The following TNNI3K variants were observed in gnomAD, a reference collection of about 807,000 sequenced individuals.
The protein encoded by TNNI3K is serine/threonine-protein kinase TNNI3K.
In TNNI3K, 140 loss-of-function variants were observed where a neutral mutation model predicts 114.5. The observed-to-expected ratio is 1.22, with a 90% CI of 1.07 to 1.41. TNNI3K has a LOEUF of 1.41. Ranked by LOEUF, TNNI3K falls within the 40% of genes most tolerant of loss-of-function variation. The pLI, the probability that TNNI3K is intolerant of heterozygous loss-of-function variation, is 0.00. For missense variants in TNNI3K, 1,125 were observed against 1,007.6 expected (o/e 1.12, Z -1.58); for synonymous variants, 347 against 347.5 (o/e 1.00, Z 0.02).
rs45493493 is a variant in TNNI3K, at chr1:74,523,191, C to A, written c.2352-17043C>A. Among the ~76,000 whole-genome samples the A allele has an allele frequency of 3.8e-3, 585 of 152,298 alleles. 6 individuals are homozygous for A. The highest frequency in any genetic ancestry group is 0.013 in the African/African-American group (547 of 41,570). On this transcript the variant is annotated intron_variant, in intron 23 of 24. Coordinates refer to ENST00000326637, the MANE Select transcript of TNNI3K (RefSeq NM_015978.3). ...AATATATATAATAATACCGATACCA[C>A]ACAGTTGCTGGGAAGATTAAATAAG...
At chr1:74,236,253 A>G in intron 2 of TNNI3K, 43 bp downstream of exon 2, 1 of 1,524,938 alleles carries the variant, frequency 6.6e-7, no homozygotes. Context: ...AAGTGTCTTC[A>G]GTATTCACCT....
intron 20 of TNNI3K, among the ~76,000 whole-genome samples, chr1:74,440,836 G>A (rs1014765405): frequency 3.2e-4 from 49 of 152,150 alleles, no homozygotes; most frequent in African/African-American, 1.2e-3. Context: ...ACTTCTTAGA[G>A]TGTGCATCCT....
At chr1:74,238,225 T>G (rs1653978491) in intron 2 of TNNI3K, among the ~76,000 whole-genome samples, 1 of 152,016 alleles carries the variant, frequency 6.6e-6, no homozygotes, top group South Asian at 2.1e-4. Flanking sequence ...ATGTAAGAAT[T>G]TTGGAGTCAT....
chr1:74,334,971 G>A (rs1311883934), intron 6 of TNNI3K, among the ~76,000 whole-genome samples: 1 of 152,190 alleles, frequency 6.6e-6, no homozygotes, highest in Non-Finnish European at 1.5e-5. Context: ...GTCAAAAAAT[G>A]TGGAGATGAT....
At chr1:74,238,025 C>T (rs1407657067) in intron 2 of TNNI3K, among the ~76,000 whole-genome samples, 1 of 151,852 alleles carries the variant, frequency 6.6e-6, no homozygotes, top group Non-Finnish European at 1.5e-5. Context: ...CCTACCATAC[C>T]CTGCTTACAA....
intron 23 of TNNI3K, among the ~76,000 whole-genome samples, chr1:74,495,021 A>C (rs1404948929): frequency 6.6e-6 from 1 of 152,200 alleles, no homozygotes; most frequent in Non-Finnish European, 1.5e-5. Context: ...GATGTATACC[A>C]CTACTAATTT....
chr1:74,450,570 T>C (rs1666945057), intron 20 of TNNI3K, among the ~76,000 whole-genome samples: 1 of 151,750 alleles, frequency 6.6e-6, no homozygotes, highest in East Asian at 1.9e-4. Context: ...AAAAAACCCA[T>C]TAAAAAGTGG....
At chr1:74,389,587 T>C (rs1000754915) in intron 17 of TNNI3K, among the ~76,000 whole-genome samples, 3 of 152,202 alleles carry the variant, frequency 2.0e-5, no homozygotes, top group African/African-American at 7.2e-5. Context: ...TTAACACTTA[T>C]TTCCTTTTAT....
chr1:74,392,390 A>G (rs1157064687), intron 17 of TNNI3K, among the ~76,000 whole-genome samples: 3 of 152,188 alleles, frequency 2.0e-5, no homozygotes, highest in African/African-American at 7.2e-5. Flanking sequence ...CTGAATTACA[A>G]TAAATTACTT....
intron 5 of TNNI3K, among the ~76,000 whole-genome samples, chr1:74,275,763 C>G (rs933737548): frequency 3.8e-4 from 58 of 151,992 alleles, no homozygotes; most frequent in African/African-American, 1.4e-3. Context: ...GAGTAGAAGT[C>G]TAAGGCGTTT....
At chr1:74,513,885 C>T (rs1029840991) in intron 23 of TNNI3K, among the ~76,000 whole-genome samples, 1 of 152,204 alleles carries the variant, frequency 6.6e-6, no homozygotes, top group African/African-American at 2.4e-5. Flanking sequence ...GCCACAACCG[C>T]ATCTGCAAAG....
chr1:74,348,632 A>G (rs1661154670), intron 9 of TNNI3K, among the ~76,000 whole-genome samples: 1 of 152,202 alleles, frequency 6.6e-6, no homozygotes, highest in African/African-American at 2.4e-5. Context: ...ACCCATGAGC[A>G]TGGAATATTC....
intron 11 of TNNI3K, among the ~76,000 whole-genome samples, chr1:74,361,320 C>T (rs1273209746): frequency 6.6e-6 from 1 of 152,070 alleles, no homozygotes; most frequent in East Asian, 1.9e-4. Context: ...CTGACTCTTC[C>T]AGACTGTTGT....
At chr1:74,373,815 A>G (rs1031508986) in intron 17 of TNNI3K, 4 of 151,826 alleles carry the variant, frequency 2.6e-5, no homozygotes, top group Non-Finnish European at 5.9e-5. Flanking sequence ...AAAGAACTCT[A>G]CTTTTCCCAT....
At chr1:74,308,386 A>C (rs1460166488) in intron 5 of TNNI3K, among the ~76,000 whole-genome samples, 1 of 152,162 alleles carries the variant, frequency 6.6e-6, no homozygotes, top group African/African-American at 2.4e-5. Context: ...AATACATGAA[A>C]ACTAAAAAAC....
intron 17 of TNNI3K, 55 bp from the exon 18 acceptor site, chr1:74,436,025 T>C: frequency 1.3e-6 from 2 of 1,577,156 alleles, no homozygotes; most frequent in Non-Finnish European, 1.7e-6. Flanking sequence ...CCAATTAGAT[T>C]AGGACATAGC....
intron 21 of TNNI3K, chr1:74,475,877 A>G (rs1402381912): frequency 3.7e-6 from 2 of 538,234 alleles, no homozygotes; most frequent in African/African-American, 1.9e-5. Flanking sequence ...CATCAAATGT[A>G]AAAACCACAA....
intron 24 of TNNI3K, among the ~76,000 whole-genome samples, chr1:74,543,062 CCCTTTTTT>C (rs1310222687): frequency 0.017 from 1,807 of 104,464 alleles, 227 homozygotes; most frequent in African/African-American, 0.06. Flanking sequence ...TTTTCTTTTT[CCCTTTTTT>C]TTTTTTTTTT....
At chr1:74,383,837 G>T (rs1365639342) in intron 17 of TNNI3K, among the ~76,000 whole-genome samples, 3 of 151,904 alleles carry the variant, frequency 2.0e-5, no homozygotes, top group African/African-American at 7.3e-5. Flanking sequence ...TTAAATCTTC[G>T]TAGCTCTATA....
Sources: allele counts gnomAD v4.1 joint callset (sites outside exome capture counted in the v4.1 genomes callset), GRCh38; gene constraint gnomAD v4.1.1; transcripts MANE v1.5; gene names NCBI Gene and HGNC (gene_info 2026-07-23, HGNC 2026-07-21).